The following FAF1 variants were observed in gnomAD, a reference collection of about 807,000 sequenced individuals.
The protein encoded by FAF1 is FAS-associated factor 1.
In FAF1, 25 loss-of-function variants were observed where a neutral mutation model predicts 92.5. The ratio of observed to expected loss-of-function variants is 0.27; its 90% CI spans 0.20 to 0.38. The LOEUF is 0.38. FAF1 is among the 10% of genes least tolerant of loss of function. The pLI, the probability that FAF1 is intolerant of heterozygous loss-of-function variation, is 1.00. For synonymous variants in FAF1, 234 were observed against 273.2 expected (o/e 0.86, Z 1.42); for missense variants, 636 against 793.3 (o/e 0.80, Z 2.38).
intron 8 of FAF1, among the ~76,000 whole-genome samples, chr1:50,597,195 G>C (rs1167496845): frequency 6.6e-6 from 1 of 152,174 alleles, no homozygotes; most frequent in Non-Finnish European, 1.5e-5. Flanking sequence ...GAATATCTGT[G>C]GCTTGAGATA....
At chr1:50,558,834 G>C (rs1649723826) in intron 13 of FAF1, among the ~76,000 whole-genome samples, 1 of 152,186 alleles carries the variant, frequency 6.6e-6, no homozygotes, top group East Asian at 1.9e-4. Context: ...CAAATACGAT[G>C]CATGTGCAAC....
intron 1 of FAF1, among the ~76,000 whole-genome samples, chr1:50,869,521 CT>C (rs1342014682): frequency 6.6e-6 from 1 of 152,112 alleles, no homozygotes; most frequent in African/African-American, 2.4e-5. Flanking sequence ...ACATTCTCAA[CT>C]TTTATTCATT....
chr1:50,783,816 A>C (rs1043193468), intron 4 of FAF1, among the ~76,000 whole-genome samples: 1 of 152,184 alleles, frequency 6.6e-6, no homozygotes, highest in Non-Finnish European at 1.5e-5. Context: ...CGGAGGTTGC[A>C]GTGAACCAAG....
chr1:50,550,438 AG>A (rs1649258991), intron 13 of FAF1, among the ~76,000 whole-genome samples: 1 of 151,798 alleles, frequency 6.6e-6, no homozygotes, highest in African/African-American at 2.4e-5. Flanking sequence ...ATAAGTGACC[AG>A]GAAAACAGAA....
At chr1:50,856,666 A>T (rs999792022) in intron 2 of FAF1, among the ~76,000 whole-genome samples, 3 of 151,794 alleles carry the variant, frequency 2.0e-5, no homozygotes, top group African/African-American at 7.2e-5. Flanking sequence ...ATATGCATGT[A>T]ATTTGCCTCA....
At chr1:50,946,729 T>C (rs1557599847) in intron 1 of FAF1, among the ~76,000 whole-genome samples, 1 of 152,252 alleles carries the variant, frequency 6.6e-6, no homozygotes, top group South Asian at 2.1e-4. Flanking sequence ...AGTCAAAGTA[T>C]CAGCATGTTC....
intron 7 of FAF1, among the ~76,000 whole-genome samples, chr1:50,667,262 A>G (rs1158392554): frequency 6.6e-6 from 1 of 152,230 alleles, no homozygotes; most frequent in East Asian, 1.9e-4. Flanking sequence ...CTTTTGGCCA[A>G]TGCCTTCTGA....
intron 5 of FAF1, among the ~76,000 whole-genome samples, chr1:50,740,419 T>G (rs115953838): frequency 6.6e-6 from 1 of 152,184 alleles, no homozygotes; most frequent in Admixed American, 6.5e-5. Context: ...GAACTTATTC[T>G]TAACCCCTCC....
At chr1:50,746,705 A>G (rs114244145) in intron 4 of FAF1, among the ~76,000 whole-genome samples, 2,257 of 152,284 alleles carry the variant, frequency 0.015, 68 homozygotes, top group African/African-American at 0.052. Flanking sequence ...GAGAAATTCA[A>G]GCGGGCTGCA....
chr1:50,582,365 C>T, intron 12 of FAF1: 2 of 393,210 alleles, frequency 5.1e-6, no homozygotes, highest in Non-Finnish European at 9.2e-6. Flanking sequence ...GAACCAGAAA[C>T]AAATAAAGTC....
At chr1:50,634,933 G>A (rs1173410139) in intron 8 of FAF1, among the ~76,000 whole-genome samples, 1 of 152,100 alleles carries the variant, frequency 6.6e-6, no homozygotes, top group East Asian at 1.9e-4. Context: ...ATAACAGATA[G>A]TAACTATATT....
At chr1:50,717,882 A>G (rs1289957051) in intron 6 of FAF1, among the ~76,000 whole-genome samples, 1 of 152,224 alleles carries the variant, frequency 6.6e-6, no homozygotes, top group African/African-American at 2.4e-5. Flanking sequence ...TATATGAATT[A>G]TAACTCCATA....
rs375592266 is a variant in FAF1 at position 50,582,597 on chromosome 1, A to G, written c.1113+21T>C. On this transcript the variant is annotated intron_variant, in intron 12 of 18. Coordinates refer to ENST00000396153, the MANE Select transcript of FAF1 (RefSeq NM_007051.3). Reference sequence around the variant, plus strand: ...CCTGTGGGATGCACTTTTTAATCAGAAAAGGTCAAACTGTACTTACATCTC... The same window carrying G: ...CCTGTGGGATGCACTTTTTAATCAGGAAAGGTCAAACTGTACTTACATCTC... The G allele has an allele frequency of 2.0e-6, 3 of 1,537,506 alleles. No individual in the cohort carries two copies. In the African/African-American group the frequency reaches 4.1e-5, roughly 21 times the overall value.
chr1:50,724,304 C>CACACAT (rs1553132420), intron 6 of FAF1, among the ~76,000 whole-genome samples: 7 of 138,440 alleles, frequency 5.1e-5, no homozygotes, highest in African/African-American at 1.9e-4. Flanking sequence ...CATACACACA[C>CACACAT]ACACACACAC....
intron 3 of FAF1, among the ~76,000 whole-genome samples, chr1:50,793,302 T>TTA (rs1398800041): frequency 6.6e-6 from 1 of 152,194 alleles, no homozygotes; most frequent in Non-Finnish European, 1.5e-5. Flanking sequence ...TTGCAGCTGT[T>TTA]TACTAGAGTA....
intron 1 of FAF1, among the ~76,000 whole-genome samples, chr1:50,880,015 T>C (rs895709249): frequency 6.6e-6 from 1 of 152,134 alleles, no homozygotes; most frequent in African/African-American, 2.4e-5. Flanking sequence ...AAAACACATA[T>C]CATTTCATCT....
chr1:50,818,994 A>AC, intron 2 of FAF1, among the ~76,000 whole-genome samples: 1 of 152,292 alleles, frequency 6.6e-6, no homozygotes, highest in Admixed American at 6.5e-5. Flanking sequence ...CTTCATTTAG[A>AC]CTGTGACCCA....
At chr1:50,719,541 A>G (rs1658322715) in intron 6 of FAF1, among the ~76,000 whole-genome samples, 1 of 152,238 alleles carries the variant, frequency 6.6e-6, no homozygotes, top group Non-Finnish European at 1.5e-5. Context: ...TAATCAATAT[A>G]GTGATATATT....
intron 1 of FAF1, among the ~76,000 whole-genome samples, chr1:50,858,536 C>T (rs998843810): frequency 2.0e-5 from 3 of 151,588 alleles, no homozygotes; most frequent in South Asian, 4.1e-4. Flanking sequence ...GCTATAAGTA[C>T]GAAATACACA....
Sources: allele counts gnomAD v4.1 joint callset (sites outside exome capture counted in the v4.1 genomes callset), GRCh38; gene constraint gnomAD v4.1.1; transcripts MANE v1.5; gene names NCBI Gene and HGNC (gene_info 2026-07-23, HGNC 2026-07-21).